The following DEFB124 variants were observed in gnomAD, a reference collection of about 807,000 sequenced individuals.
The protein encoded by DEFB124 is defensin beta 124, also known as beta-defensin 124.
For missense variants in DEFB124, 78 were observed against 83.1 expected, an observed-to-expected ratio of 0.94 and a Z score of 0.24; for synonymous variants, 38 against 36.5, an observed-to-expected ratio of 1.04 and a Z score of -0.15.
At chr20:31,470,275 C>G (rs1162407577) in intron 2 of DEFB124, among the ~76,000 whole-genome samples, 2 of 145,180 alleles carry the variant, frequency 1.4e-5, no homozygotes, top group South Asian at 4.4e-4. Flanking sequence ...ACCTCCCTCC[C>G]GGACGGGGCG....
At chr20:31,469,467 T>TA (rs1980170485) in intron 2 of DEFB124, among the ~76,000 whole-genome samples, 1 of 152,018 alleles carries the variant, frequency 6.6e-6, no homozygotes. Flanking sequence ...TTATTTTTTT[T>TA]ATTGATCATT....
In DEFB124 at chr20:31,465,624, G is replaced by A. The variant is rs762761376; in HGVS notation, c.98C>T (p.Ala33Val). 1.2e-6 allele frequency: 2 copies of A among 1,614,116 alleles called. No homozygotes were observed. Among genetic ancestry groups the A allele is most frequent in the Non-Finnish European group, 1.7e-6 (2 of 1,180,032 alleles). ...TTGCCTTGTGCAGTAAGTTTGGCAG[G>A]CCCCTTGACCCTTCCAGCACCGTTT... ...EFKRCWKGQGACQTYCTRQET... is the reference protein window; with the variant it reads ...EFKRCWKGQGVCQTYCTRQET... Residue 33 changes from alanine (A) to valine (V), a missense_variant, in exon 3 of 3, where the codon GCC becomes GTC. By Grantham distance (64) the Ala-to-Val change is moderately conservative. Coordinates refer to ENST00000317676, the MANE Select transcript of DEFB124 (RefSeq NM_001037500.2).
chr20:31,471,666 G>A (rs1171833423), intron 2 of DEFB124, among the ~76,000 whole-genome samples: 3 of 147,866 alleles, frequency 2.0e-5, no homozygotes, highest in Non-Finnish European at 3.0e-5. Context: ...GCCGGGCGGA[G>A]GGGCTCCTCA....
intron 2 of DEFB124, among the ~76,000 whole-genome samples, chr20:31,472,148 C>T (rs1308276668): frequency 4.6e-5 from 7 of 151,284 alleles, no homozygotes; most frequent in Admixed American, 6.6e-5. Flanking sequence ...CGTCTGCAAT[C>T]CCGGCACCTC....
chr20:31,468,424 T>C (rs1051603903), intron 2 of DEFB124, among the ~76,000 whole-genome samples: 2 of 152,132 alleles, frequency 1.3e-5, no homozygotes, highest in African/African-American at 2.4e-5. Context: ...TTGGTTCAAA[T>C]TGGTAATTGT....
Position 31,468,777 on chromosome 20 carries a change from G to C in DEFB124, c.59-3114C>G, listed in dbSNP as rs147103640. Among the ~76,000 whole-genome samples, 85 of 151,904 alleles carry C rather than the reference G, an allele frequency of 5.6e-4. No individual in the cohort carries two copies. In the East Asian group the frequency reaches 0.012, roughly 21 times the overall value. ...GGCGTGAGCCACCGCGCCCGGCCAGGGTTCTTTATACTATTTATTTCTTAT... is the reference window on the plus strand; with the variant it reads ...GGCGTGAGCCACCGCGCCCGGCCAGCGTTCTTTATACTATTTATTTCTTAT... On this transcript the variant is annotated intron_variant, in intron 2 of 2. Transcript: ENST00000317676.
chr20:31,467,515 GCA>G (rs573248312), intron 2 of DEFB124, among the ~76,000 whole-genome samples: 3 of 152,132 alleles, frequency 2.0e-5, no homozygotes, highest in Non-Finnish European at 4.4e-5. Context: ...CTCCTTCAGA[GCA>G]CAGTTAAAGG....
chr20:31,467,396 T>A (rs949589664), intron 2 of DEFB124, among the ~76,000 whole-genome samples: 1 of 152,200 alleles, frequency 6.6e-6, no homozygotes, highest in Non-Finnish European at 1.5e-5. Flanking sequence ...GTGTGTAGTA[T>A]AATCGTTAAC....
At chr20:31,465,803 G>A (rs2122443064) in intron 2 of DEFB124, 140 bp from the exon 3 acceptor site, 1 of 992,488 alleles carries the variant, frequency 1.0e-6, no homozygotes, top group Non-Finnish European at 1.5e-6. Flanking sequence ...AGTCACAGAT[G>A]AGAGTACTGA....
chr20:31,465,717 C>A, intron 2 of DEFB124, 54 bp from the exon 3 acceptor site: 1 of 1,589,506 alleles, frequency 6.3e-7, no homozygotes, highest in South Asian at 1.1e-5. Context: ...ACACGTTAGA[C>A]CACTGGTCAC....
At position 31,469,555 on chromosome 20, in the gene DEFB124, G is replaced by A. The variant is rs958874946; in HGVS notation, c.58+3401C>T. Among the ~76,000 whole-genome samples the A allele has an allele frequency of 6.5e-3, 980 of 151,698 alleles. 13 individuals carry two copies. Among genetic ancestry groups the A allele is most frequent in the African/African-American group, 0.022 (909 of 41,252 alleles). ...AGGGAAGGTCGGCAGATAAACAAGTGAACAAAGGTCTCTGGTTTTCCTAGG... is the reference window on the plus strand; with the variant it reads ...AGGGAAGGTCGGCAGATAAACAAGTAAACAAAGGTCTCTGGTTTTCCTAGG... On this transcript the variant is annotated intron_variant, in intron 2 of 2. Coordinates refer to ENST00000317676, the MANE Select transcript of DEFB124 (RefSeq NM_001037500.2).
chr20:31,468,145 C>T (rs1318644167), intron 2 of DEFB124, among the ~76,000 whole-genome samples: 1 of 152,146 alleles, frequency 6.6e-6, no homozygotes, highest in Non-Finnish European at 1.5e-5. Flanking sequence ...TCTGCACTCT[C>T]TTCCTCATAT....
rs147479133 is a variant in DEFB124 at position 31,472,439 on chromosome 20, AGGGAGAG to A, written c.58+510_58+516del. On this transcript the variant is annotated intron_variant, in intron 2 of 2. Coordinates refer to ENST00000317676, the MANE Select transcript of DEFB124 (RefSeq NM_001037500.2). Reference sequence around the variant, plus strand: ...CGAGAGGGAGAGGGGAGAGGGGAGAAGGGAGAGGGGAGAGGGGAGAGGGGAGAGGGGA... The same window carrying A: ...CGAGAGGGAGAGGGGAGAGGGGAGAAGGGAGAGGGGAGAGGGGAGAGGGGA... Among the ~76,000 whole-genome samples, 255 of 95,496 alleles carry A rather than the reference AGGGAGAG, an allele frequency of 2.7e-3. 1 individual carries two copies. The Middle Eastern group carries it at 0.029, about 11-fold the overall frequency. The allele number at this position is 95,496 out of a possible 152,430, so 62.6% of individuals were successfully genotyped here. A position where few individuals can be genotyped will look rare whatever the true frequency, so the allele number is the denominator to read the frequency against.
intron 2 of DEFB124, among the ~76,000 whole-genome samples, chr20:31,467,617 C>A (rs2122445693): frequency 6.6e-6 from 1 of 152,310 alleles, no homozygotes; most frequent in Admixed American, 6.5e-5. Context: ...GCTGGAACAA[C>A]CAGGACCCAT....
intron 2 of DEFB124, 22 bp downstream of exon 2, chr20:31,472,934 C>CAT (rs1220699487): frequency 6.2e-7 from 1 of 1,612,970 alleles, no homozygotes. Flanking sequence ...CACACACACA[C>CAT]ACATGCACAC....
chr20:31,471,717 C>T (rs1286367381), intron 2 of DEFB124, among the ~76,000 whole-genome samples: 1 of 150,628 alleles, frequency 6.6e-6, no homozygotes, highest in Non-Finnish European at 1.5e-5. Context: ...CTCCTCACCT[C>T]CCAGACGGGG....
chr20:31,473,500 T>G (rs775693881), intron 1 of DEFB124, among the ~76,000 whole-genome samples: 2 of 151,660 alleles, frequency 1.3e-5, no homozygotes, highest in Non-Finnish European at 2.9e-5. Context: ...ATGGGAAGAG[T>G]AATAGTACCC....
At position 31,475,090 on chromosome 20, in the gene DEFB124, T is replaced by A. The variant is rs1230919790; in HGVS notation, c.-489A>T. Among the ~76,000 whole-genome samples the A allele has an allele frequency of 2.0e-5, 3 of 152,220 alleles. No individual in the cohort carries two copies. The highest frequency in any genetic ancestry group is 4.4e-5 in the Non-Finnish European group (3 of 68,026). On this transcript the variant is annotated 5_prime_UTR_variant, in exon 1 of 3. Coordinates refer to ENST00000317676, the MANE Select transcript of DEFB124 (RefSeq NM_001037500.2). This position sits in a 1 kb window ranked among gnomAD's most constrained non-coding sequence, Gnocchi z 5.0. ...CAGAGCCCCCATCCTTCCTTTCTCGTCTGCCACCCTCACCCGGTGCGTAGG... is the reference window on the plus strand; with the variant it reads ...CAGAGCCCCCATCCTTCCTTTCTCGACTGCCACCCTCACCCGGTGCGTAGG...
At chr20:31,472,830 G>A in intron 2 of DEFB124, 126 bp downstream of exon 2, 1 of 1,216,502 alleles carries the variant, frequency 8.2e-7, no homozygotes, top group South Asian at 1.9e-5. Flanking sequence ...CCAAGTCAGT[G>A]GTGGGGCCAG....
Sources: allele counts gnomAD v4.1 joint callset (sites outside exome capture counted in the v4.1 genomes callset), GRCh38; gene constraint gnomAD v4.1.1; non-coding constraint Gnocchi (gnomAD v3.1); transcripts MANE v1.5; gene names NCBI Gene and HGNC (gene_info 2026-07-23, HGNC 2026-07-21).